ATP9B: variants seen among roughly 807,000 people sequenced by gnomAD.
The protein encoded by ATP9B is probable phospholipid-transporting ATPase IIB.
A neutral mutation model predicts 146.1 loss-of-function variants in ATP9B; 110 were observed. That is an observed-to-expected ratio of 0.75 (90% CI 0.65 to 0.88). The LOEUF is 0.88. Ranked by LOEUF, ATP9B falls within the 40% of genes least tolerant of loss-of-function variation. The pLI is 0.00. For synonymous variants in ATP9B, 604 were observed against 569.7 expected (o/e 1.06, Z -0.86); for missense variants, 1,499 against 1,496.4 (o/e 1.00, Z -0.03).
At chr18:79,274,432 G>T (rs1220600136) in intron 12 of ATP9B, among the ~76,000 whole-genome samples, 1 of 152,094 alleles carries the variant, frequency 6.6e-6, no homozygotes, top group Non-Finnish European at 1.5e-5. Context: ...AAATGCTCCC[G>T]ATGTGTTGTT....
At chr18:79,292,607 T>C (rs1353744286) in intron 13 of ATP9B, among the ~76,000 whole-genome samples, 1 of 151,106 alleles carries the variant, frequency 6.6e-6, no homozygotes, top group African/African-American at 2.4e-5. Context: ...GGATTCAGCA[T>C]GGCTACAACA....
intron 15 of ATP9B, among the ~76,000 whole-genome samples, chr18:79,311,899 A>G (rs1055113118): frequency 6.6e-6 from 1 of 152,056 alleles, no homozygotes; most frequent in Admixed American, 6.5e-5. Flanking sequence ...TCTGTGTTTC[A>G]TTGAGCCTTT....
chr18:79,289,250 G>A (rs7232757), intron 13 of ATP9B, among the ~76,000 whole-genome samples: 66,346 of 151,698 alleles, frequency 0.44, 14,663 homozygotes, highest in Middle Eastern at 0.55. Flanking sequence ...TTTCAGGTAC[G>A]CCAATCAGAC....
chr18:79,195,906 T>C (rs894250265), intron 9 of ATP9B, among the ~76,000 whole-genome samples: 2 of 152,130 alleles, frequency 1.3e-5, no homozygotes, highest in African/African-American at 4.8e-5. Context: ...AATCATGAAA[T>C]GGTTTGAAAC....
intron 5 of ATP9B, among the ~76,000 whole-genome samples, chr18:79,130,597 A>G (rs1227623761): frequency 6.6e-6 from 1 of 152,144 alleles, no homozygotes; most frequent in Non-Finnish European, 1.5e-5. Context: ...CTGTACATTC[A>G]GGAAGTACAG....
intron 15 of ATP9B, among the ~76,000 whole-genome samples, chr18:79,322,335 G>A (rs936725527): frequency 9.2e-5 from 14 of 152,228 alleles, no homozygotes; most frequent in Non-Finnish European, 1.8e-4. Flanking sequence ...CTAACCCAAC[G>A]TCAGAATTGA....
rs2096748632 is a variant in ATP9B at position 79,326,619 on chromosome 18, G to A, written c.1774-2522G>A. Reference sequence around the variant, plus strand: ...TCACATGGTGTTCGGTTTCATCTCTGCACACTCCGTCCCCACACAGTGCCC... The same window carrying A: ...TCACATGGTGTTCGGTTTCATCTCTACACACTCCGTCCCCACACAGTGCCC... On this transcript the variant is annotated intron_variant, in intron 15 of 29. Transcript: ENST00000426216. Among the ~76,000 whole-genome samples the A allele has an allele frequency of 2.0e-5, 3 of 152,248 alleles. No homozygotes were observed. In the South Asian group the frequency reaches 6.2e-4, roughly 32 times the overall value.
chr18:79,313,120 G>A (rs1270460709), intron 15 of ATP9B, among the ~76,000 whole-genome samples: 2 of 152,206 alleles, frequency 1.3e-5, no homozygotes, highest in Non-Finnish European at 2.9e-5. Context: ...TGTGTTGACT[G>A]ATAGATACGT....
chr18:79,142,941 A>G (rs1290228300), intron 5 of ATP9B, among the ~76,000 whole-genome samples: 1 of 152,226 alleles, frequency 6.6e-6, no homozygotes, highest in Non-Finnish European at 1.5e-5. Context: ...AACTGAATGT[A>G]AAAGGAAGGA....
intron 7 of ATP9B, among the ~76,000 whole-genome samples, chr18:79,169,098 C>T (rs1406048171): frequency 1.3e-5 from 2 of 152,060 alleles, no homozygotes; most frequent in Non-Finnish European, 2.9e-5. Flanking sequence ...TGTTGTTGGT[C>T]ATCTACTTCC....
At chr18:79,242,584 G>C (rs1489776033) in intron 11 of ATP9B, among the ~76,000 whole-genome samples, 2 of 152,174 alleles carry the variant, frequency 1.3e-5, no homozygotes, top group Non-Finnish European at 2.9e-5. Context: ...TTGCTTTATT[G>C]TAGAGTGTCA....
At chr18:79,238,461 CG>C (rs2095861872) in intron 11 of ATP9B, among the ~76,000 whole-genome samples, 1 of 152,192 alleles carries the variant, frequency 6.6e-6, no homozygotes, top group Non-Finnish European at 1.5e-5. Context: ...GCTGCTGTTC[CG>C]GCCGGGCTGT....
At position 79,095,558 on chromosome 18, in the gene ATP9B, G is replaced by T. The variant is rs1005571998; in HGVS notation, c.120-918G>T. On this transcript the variant is annotated intron_variant, in intron 1 of 29. Coordinates refer to ENST00000426216, the MANE Select transcript of ATP9B (RefSeq NM_198531.5). Reference sequence around the variant, plus strand: ...ATGTTTTAATAGTGGGTTTTGGTTAGTTTTAGCTGTCTTCTATATGGAATT... The same window carrying T: ...ATGTTTTAATAGTGGGTTTTGGTTATTTTTAGCTGTCTTCTATATGGAATT... 3 of 152,210 alleles carry T rather than the reference G, an allele frequency of 2.0e-5. No homozygotes were observed. In the South Asian group the frequency reaches 6.2e-4, roughly 32 times the overall value. 9.4% of individuals were successfully genotyped at this position (152,210 alleles called of 1,614,324 possible). A position where few individuals can be genotyped will look rare whatever the true frequency, so the allele number is the denominator to read the frequency against.
intron 1 of ATP9B, among the ~76,000 whole-genome samples, chr18:79,089,069 T>C (rs546762683): frequency 3.9e-5 from 6 of 152,254 alleles, no homozygotes; most frequent in African/African-American, 1.4e-4. Flanking sequence ...TCCTTTGTGA[T>C]GGCATAAGAA....
chr18:79,361,992 T>C (rs377355069), intron 26 of ATP9B: 6 of 165,446 alleles, frequency 3.6e-5, no homozygotes, highest in African/African-American at 9.6e-5. Flanking sequence ...CGGCCTGCAG[T>C]GTGAGTAACA....
chr18:79,154,467 C>T, intron 6 of ATP9B, 37 bp from the exon 7 acceptor site: 2 of 1,423,052 alleles, frequency 1.4e-6, no homozygotes, highest in Non-Finnish European at 1.9e-6. Context: ...TGTAAACCTG[C>T]ATATAGATAA....
chr18:79,361,741 C>G (rs745894475), intron 26 of ATP9B: 1 of 984,898 alleles, frequency 1.0e-6, no homozygotes, highest in Non-Finnish European at 1.2e-6. Flanking sequence ...CTGAACAGTT[C>G]GCCAAGGTAG....
chr18:79,165,150 T>C lies in ATP9B; in HGVS notation c.778+10595T>C, dbSNP rs73486148. Among the ~76,000 whole-genome samples, 1,351 of 152,330 alleles carry C rather than the reference T, an allele frequency of 8.9e-3. 19 individuals carry two copies. Among genetic ancestry groups the C allele is most frequent in the African/African-American group, 0.029 (1,221 of 41,568 alleles). Reference sequence around the variant, plus strand: ...CAACATAACTCCAGGGTAAGTCTTATACAGATTAAAAAACTGAGGTCTAAC... The same window carrying C: ...CAACATAACTCCAGGGTAAGTCTTACACAGATTAAAAAACTGAGGTCTAAC... On this transcript the variant is annotated intron_variant, in intron 7 of 29. Coordinates refer to ENST00000426216, the MANE Select transcript of ATP9B (RefSeq NM_198531.5).
At chr18:79,249,080 A>G (rs755044760) in intron 11 of ATP9B, among the ~76,000 whole-genome samples, 2 of 116,502 alleles carry the variant, frequency 1.7e-5, no homozygotes, top group East Asian at 2.0e-4. Flanking sequence ...GCATTCATTT[A>G]AAAAAAAAAA....
Sources: gnomAD v4.1 joint callset for allele counts (sites outside exome capture counted in the v4.1 genomes callset) on GRCh38, gnomAD v4.1.1 for gene constraint, MANE v1.5 for transcripts, NCBI Gene and HGNC (gene_info 2026-07-23, HGNC 2026-07-21) for gene names.